Variants in KCNQ3 observed in about 807,000 individuals in gnomAD.
KCNQ3 encodes potassium voltage-gated channel subfamily KQT member 3.
In KCNQ3, 30 loss-of-function variants were observed where a neutral mutation model predicts 92.5. The ratio of observed to expected loss-of-function variants is 0.32; its 90% CI spans 0.24 to 0.44. KCNQ3 has a LOEUF of 0.44. Ranked by LOEUF, KCNQ3 falls within the 20% of genes least tolerant of loss-of-function variation. The pLI, the probability that KCNQ3 is intolerant of heterozygous loss-of-function variation, is 1.00. For synonymous variants in KCNQ3, 450 were observed against 468.8 expected (o/e 0.96, Z 0.52); for missense variants, 913 against 1,140.3 (o/e 0.80, Z 2.87).
rs1003299587 is a variant in KCNQ3 at position 132,128,968 on chromosome 8, G to T, written c.*294C>A. ...CTCATCAGTAATTTCTCCCTGTACT[G>T]GTCCAATCGTGATTAAAAGTAAGAA... On this transcript the variant is annotated 3_prime_UTR_variant, in exon 15 of 15. Coordinates refer to ENST00000388996, the MANE Select transcript of KCNQ3 (RefSeq NM_004519.4). 28 of 455,590 alleles carry T rather than the reference G, an allele frequency of 6.1e-5. No individual in the cohort carries two copies. The highest frequency in any genetic ancestry group is 1.2e-5 in the Non-Finnish European group (3 of 249,254). The allele number at this position is 455,590 out of a possible 1,614,324, so 28.2% of individuals were successfully genotyped here. A position where few individuals can be genotyped will look rare whatever the true frequency, so the allele number is the denominator to read the frequency against.
At chr8:132,172,464 G>T in intron 7 of KCNQ3, 134 bp downstream of exon 7, 1 of 787,436 alleles carries the variant, frequency 1.3e-6, no homozygotes, top group Non-Finnish European at 2.2e-6. Flanking sequence ...GACACACATG[G>T]AATCCTGGGT....
intron 14 of KCNQ3, among the ~76,000 whole-genome samples, chr8:132,130,410 C>A (rs754304314): frequency 2.0e-5 from 3 of 152,166 alleles, no homozygotes; most frequent in Non-Finnish European, 2.9e-5. Flanking sequence ...ATTTACTTTT[C>A]AGAAGGGAAG....
At chr8:132,239,143 T>C (rs1489829613) in intron 1 of KCNQ3, among the ~76,000 whole-genome samples, 2 of 152,224 alleles carry the variant, frequency 1.3e-5, no homozygotes, top group African/African-American at 4.8e-5. Context: ...TCTTCTGTAA[T>C]TAAGCCCAAC....
intron 1 of KCNQ3, among the ~76,000 whole-genome samples, chr8:132,190,956 G>A (rs1464271302): frequency 6.6e-6 from 1 of 152,150 alleles, no homozygotes; most frequent in Non-Finnish European, 1.5e-5. Context: ...CTGTATCTCA[G>A]TGAATAGCTC....
At chr8:132,450,851 G>A (rs1030632815) in intron 1 of KCNQ3, among the ~76,000 whole-genome samples, 23 of 152,228 alleles carry the variant, frequency 1.5e-4, no homozygotes, top group Admixed American at 3.9e-4. Context: ...ACTGGGGCAA[G>A]GGAAGGGGGT....
At chr8:132,160,439 T>C (rs901400805) in intron 9 of KCNQ3, among the ~76,000 whole-genome samples, 1 of 152,198 alleles carries the variant, frequency 6.6e-6, no homozygotes, top group Non-Finnish European at 1.5e-5. Context: ...ATTAGGTCAT[T>C]TTTTATAGTC....
In KCNQ3 at chr8:132,129,876, C is replaced by T. The variant is rs201812160; in HGVS notation, c.2005G>A (p.Ala669Thr). 4 of 1,614,174 alleles carry T rather than the reference C, an allele frequency of 2.5e-6. No homozygotes were observed. The highest frequency in any genetic ancestry group is 1.7e-5 in the Admixed American group (1 of 60,026). The change falls in exon 15 of 15, where the codon GCA (alanine) becomes ACA (threonine). Residue 669 changes from alanine (A) to threonine (T), a missense_variant. Ala to Thr is a moderately conservative substitution (Grantham distance 58). Coordinates refer to ENST00000388996, the MANE Select transcript of KCNQ3 (RefSeq NM_004519.4). This position sits in a 1 kb window ranked among gnomAD's most constrained non-coding sequence, Gnocchi z 5.9. ...TACCTGTTGTCCTCCTTCTTCTCTGCTTCAGCTGGCGAGGAGGTGCCCTTG... is the reference window on the plus strand; with the variant it reads ...TACCTGTTGTCCTCCTTCTTCTCTGTTTCAGCTGGCGAGGAGGTGCCCTTG... ...PTKGTSSPAEAEKKEDNRYSD... is the reference protein window; with the variant it reads ...PTKGTSSPAETEKKEDNRYSD...
At chr8:132,443,397 C>T (rs1821590973) in intron 1 of KCNQ3, among the ~76,000 whole-genome samples, 1 of 152,052 alleles carries the variant, frequency 6.6e-6, no homozygotes, top group Non-Finnish European at 1.5e-5. Context: ...TGGGTAGTTT[C>T]TAGGGCTAAG....
chr8:132,383,234 C>A (rs1309669429), intron 1 of KCNQ3, among the ~76,000 whole-genome samples: 2 of 152,236 alleles, frequency 1.3e-5, no homozygotes, highest in Non-Finnish European at 2.9e-5. Context: ...GCACAGGTTA[C>A]AGAGGAATGC....
chr8:132,292,631 G>C (rs955560309), intron 1 of KCNQ3, among the ~76,000 whole-genome samples: 1 of 151,874 alleles, frequency 6.6e-6, no homozygotes, highest in Admixed American at 6.6e-5. Context: ...ATATTCATCT[G>C]TCTTAGGTTC....
At chr8:132,172,453 A>T in intron 7 of KCNQ3, 145 bp downstream of exon 7, 1 of 771,412 alleles carries the variant, frequency 1.3e-6, no homozygotes, top group Non-Finnish European at 2.3e-6. Flanking sequence ...CAAGACACAC[A>T]GACACACATG....
At chr8:132,328,749 T>A (rs965750688) in intron 1 of KCNQ3, among the ~76,000 whole-genome samples, 5 of 152,146 alleles carry the variant, frequency 3.3e-5, no homozygotes, top group Admixed American at 2.6e-4. Flanking sequence ...AGCACCTCCT[T>A]TGTCTTTGGG....
intron 1 of KCNQ3, among the ~76,000 whole-genome samples, chr8:132,325,779 T>C (rs1049435113): frequency 6.6e-6 from 1 of 152,196 alleles, no homozygotes; most frequent in African/African-American, 2.4e-5. Flanking sequence ...AGTGAACTAA[T>C]GCAGCTGGAT....
chr8:132,133,349 C>G (rs1328991130), intron 13 of KCNQ3, among the ~76,000 whole-genome samples: 1 of 102,726 alleles, frequency 9.7e-6, no homozygotes, highest in Admixed American at 1.1e-4. Context: ...TTAATGCTCT[C>G]GATTCTTTTT....
In KCNQ3 at chr8:132,309,930, T is replaced by C. The variant is rs538418507; in HGVS notation, c.387-123749A>G. Among the ~76,000 whole-genome samples, 9 of 152,346 alleles carry C rather than the reference T, an allele frequency of 5.9e-5. No individual in the cohort carries two copies. The South Asian group carries it at 1.7e-3, about 28-fold the overall frequency. On this transcript the variant is annotated intron_variant, in intron 1 of 14. Transcript: ENST00000388996. ...TCACCATCTTTGCTTTGTTTAGGCA[T>C]GACTTGTACTATTAATTACTTTAGG...
chr8:132,453,224 C>G (rs1821861992), intron 1 of KCNQ3, among the ~76,000 whole-genome samples: 2 of 152,182 alleles, frequency 1.3e-5, no homozygotes, highest in African/African-American at 4.8e-5. Context: ...GCTGGATCAT[C>G]TGGGGCCTGT....
At chr8:132,313,329 A>G (rs1459648345) in intron 1 of KCNQ3, among the ~76,000 whole-genome samples, 1 of 152,270 alleles carries the variant, frequency 6.6e-6, no homozygotes, top group Non-Finnish European at 1.5e-5. Flanking sequence ...TGAAACAGAA[A>G]TAAAGAGTTA....
At chr8:132,463,749 T>A (rs540474395) in intron 1 of KCNQ3, among the ~76,000 whole-genome samples, 1 of 152,260 alleles carries the variant, frequency 6.6e-6, no homozygotes, top group Non-Finnish European at 1.5e-5. Flanking sequence ...CTCTAGGACA[T>A]AACCTTAGGG....
At chr8:132,435,872 C>A (rs559480895) in intron 1 of KCNQ3, among the ~76,000 whole-genome samples, 1 of 152,142 alleles carries the variant, frequency 6.6e-6, no homozygotes, top group Non-Finnish European at 1.5e-5. Context: ...CCTTTATTCA[C>A]CCCCTAGTCT....
Sources: allele counts gnomAD v4.1 joint callset (sites outside exome capture counted in the v4.1 genomes callset), GRCh38; gene constraint gnomAD v4.1.1; non-coding constraint Gnocchi (gnomAD v3.1); transcripts MANE v1.5; gene names NCBI Gene and HGNC (gene_info 2026-07-23, HGNC 2026-07-21).